The following HDAC8 variants were observed in gnomAD, a reference collection of about 807,000 sequenced individuals.
The protein encoded by HDAC8 is histone deacetylase-like 1.
HDAC8 carries 1 observed loss-of-function variant against 32.2 expected under a neutral mutation model. That is an observed-to-expected ratio of 0.03 (90% CI 0.01 to 0.15). The LOEUF is 0.15. HDAC8 is among the 10% of genes least tolerant of loss of function. The pLI is 1.00. For missense variants in HDAC8, 117 were observed against 300.0 expected, an observed-to-expected ratio of 0.39 and a Z score of 4.51; for synonymous variants, 108 against 113.9, an observed-to-expected ratio of 0.95 and a Z score of 0.33.
intron 10 of HDAC8, among the ~76,000 whole-genome samples, chrX:72,341,096 A>T (rs1448172504): frequency 1.8e-5 from 2 of 111,700 alleles, no homozygotes; most frequent in African/African-American, 6.5e-5. Flanking sequence ...ATCATTCAGC[A>T]TGTGAGCCCA....
intron 9 of HDAC8, among the ~76,000 whole-genome samples, chrX:72,367,290 T>A (rs1296469630): frequency 8.9e-6 from 1 of 112,056 alleles, no homozygotes; most frequent in Non-Finnish European, 1.9e-5. Flanking sequence ...CAGGCCCACA[T>A]GGCACAGGGG....
At chrX:72,335,759 A>C (rs2043665814) in intron 10 of HDAC8, among the ~76,000 whole-genome samples, 1 of 110,309 alleles carries the variant, frequency 9.1e-6, no homozygotes, top group African/African-American at 3.3e-5. Context: ...AAATAAAAAA[A>C]TTAGCTGAGT....
intron 9 of HDAC8, among the ~76,000 whole-genome samples, chrX:72,442,490 G>C (rs1306509057): frequency 1.8e-5 from 2 of 111,607 alleles, no homozygotes; most frequent in Non-Finnish European, 3.8e-5. Flanking sequence ...AATGCTGAGA[G>C]ATTTTATCAC....
intron 9 of HDAC8, among the ~76,000 whole-genome samples, chrX:72,418,281 C>A (rs1273281496): frequency 3.6e-5 from 4 of 111,599 alleles, no homozygotes; most frequent in Non-Finnish European, 7.6e-5. Flanking sequence ...AGACAACTTA[C>A]AGAATGGGAG....
At chrX:72,365,745 C>G (rs782418535) in intron 9 of HDAC8, among the ~76,000 whole-genome samples, 1 of 112,094 alleles carries the variant, frequency 8.9e-6, no homozygotes, top group Non-Finnish European at 1.9e-5. Context: ...AATAATGCAT[C>G]TTTCTTTTGT....
chrX:72,518,564 T>C (rs1157698757), intron 4 of HDAC8, among the ~76,000 whole-genome samples: 1 of 111,798 alleles, frequency 8.9e-6, no homozygotes, highest in African/African-American at 3.2e-5. Flanking sequence ...TTTGTTTCAA[T>C]ATTGACCCAT....
intron 10 of HDAC8, among the ~76,000 whole-genome samples, chrX:72,345,763 C>T (rs1242641353): frequency 9.0e-6 from 1 of 111,598 alleles, no homozygotes; most frequent in African/African-American, 3.3e-5. Flanking sequence ...TCACTGCAGC[C>T]TCAACCTCCC....
intron 4 of HDAC8, among the ~76,000 whole-genome samples, chrX:72,549,311 C>A (rs185183047): frequency 2.7e-5 from 3 of 109,936 alleles, no homozygotes; most frequent in Non-Finnish European, 5.7e-5. Flanking sequence ...GTTCCCCCCC[C>A]GCCTTATTAT....
At chrX:72,572,032 G>A in intron 2 of HDAC8, 25 bp downstream of exon 2, 1 of 1,159,750 alleles carries the variant, frequency 8.6e-7, no homozygotes, top group Non-Finnish European at 1.2e-6. Flanking sequence ...TAGCTTCAGG[G>A]CTATGTTCAA....
At chrX:72,549,146 T>A (rs921444743) in intron 4 of HDAC8, among the ~76,000 whole-genome samples, 1 of 111,805 alleles carries the variant, frequency 8.9e-6, no homozygotes, top group Non-Finnish European at 1.9e-5. Flanking sequence ...GACATTGCTA[T>A]TCAAACTGGT....
intron 9 of HDAC8, among the ~76,000 whole-genome samples, chrX:72,386,506 G>A (rs782794147): frequency 1.5e-4 from 17 of 111,259 alleles, no homozygotes; most frequent in Admixed American, 5.7e-4. Context: ...TCTGAATGGT[G>A]GGAATAAGTG....
At chrX:72,413,149 G>A (rs1173606317) in intron 9 of HDAC8, among the ~76,000 whole-genome samples, 1 of 109,189 alleles carries the variant, frequency 9.2e-6, no homozygotes, top group Non-Finnish European at 1.9e-5. Context: ...TAAGTTTTAG[G>A]GTACATGTGC....
chrX:72,442,913 C>G (rs2047206462), intron 9 of HDAC8, among the ~76,000 whole-genome samples: 2 of 109,022 alleles, frequency 1.8e-5, no homozygotes, highest in African/African-American at 6.7e-5. Flanking sequence ...AGACTTTAAA[C>G]CAACAAAGAT....
At chrX:72,401,039 G>A (rs1284777084) in intron 9 of HDAC8, among the ~76,000 whole-genome samples, 8 of 112,099 alleles carry the variant, frequency 7.1e-5, no homozygotes, top group African/African-American at 9.7e-5. Flanking sequence ...ATGCTACTAC[G>A]AACATTTGTG....
chrX:72,556,269 C>A (rs1470168841), intron 4 of HDAC8, among the ~76,000 whole-genome samples: 1 of 111,778 alleles, frequency 8.9e-6, no homozygotes, highest in East Asian at 2.8e-4. Flanking sequence ...AATCTTGAAA[C>A]AAATCCTCAA....
intron 4 of HDAC8, among the ~76,000 whole-genome samples, chrX:72,553,498 T>C (rs910782975): frequency 2.6e-4 from 29 of 112,200 alleles, no homozygotes; most frequent in African/African-American, 8.1e-4. Flanking sequence ...CACAAACACA[T>C]CTTTACCATA....
intron 9 of HDAC8, among the ~76,000 whole-genome samples, chrX:72,395,104 G>A (rs782812493): frequency 1.9e-4 from 21 of 111,945 alleles, no homozygotes; most frequent in African/African-American, 6.5e-4. Flanking sequence ...GTTCAAGGGG[G>A]GAAAAAAGTG....
intron 9 of HDAC8, among the ~76,000 whole-genome samples, chrX:72,362,946 A>G (rs782274351): frequency 2.7e-5 from 3 of 111,913 alleles, no homozygotes; most frequent in Non-Finnish European, 5.6e-5. Context: ...GTGGTAGGAG[A>G]GAGAGGCACA....
At chrX:72,507,501 C>T (rs1258860832) in intron 4 of HDAC8, among the ~76,000 whole-genome samples, 8 of 112,025 alleles carry the variant, frequency 7.1e-5, no homozygotes, top group African/African-American at 2.6e-4. Context: ...AAGTGACCAT[C>T]CTACACTGAC....
Sources: gnomAD v4.1 joint callset for allele counts (sites outside exome capture counted in the v4.1 genomes callset) on GRCh38, gnomAD v4.1.1 for gene constraint, MANE v1.5 for transcripts, NCBI Gene and HGNC (gene_info 2026-07-23, HGNC 2026-07-21) for gene names.